The following PTPRH variants were observed in gnomAD, a reference collection of about 807,000 sequenced individuals.
PTPRH encodes the protein receptor-type tyrosine-protein phosphatase H.
A neutral mutation model predicts 130.2 loss-of-function variants in PTPRH; 113 were observed. The ratio of observed to expected loss-of-function variants is 0.87; its 90% CI spans 0.75 to 1.01. PTPRH has a LOEUF of 1.01. Among genes scored for constraint, PTPRH ranks in the 50% least tolerant of loss-of-function variants. The pLI is 0.00. For missense variants in PTPRH, 1,430 were observed against 1,425.0 expected (o/e 1.00, Z -0.06); for synonymous variants, 556 against 577.9 (o/e 0.96, Z 0.54).
rs149789995 is a variant in PTPRH, at chr19:55,205,345, C to A, written c.600G>T (p.Glu200Asp). Residue 200 changes from glutamate to aspartate, a missense_variant, in exon 4 of 20, where the codon GAG becomes GAT. Coordinates refer to ENST00000376350, the MANE Select transcript of PTPRH (RefSeq NM_002842.5). The part of the protein sequence containing the change: ...VGKNGINSSR[E>D]TRNATTAHNP... ...TCTCACCTGTGGTGGCATTTCGAGT[C>A]TCCCGGGAGCTGTTGATTCCATTCT... 5.8e-4 allele frequency: 936 copies of A among 1,614,176 alleles called. 1 individual carries two copies. Among genetic ancestry groups the A allele is most frequent in the Middle Eastern group, 2.8e-3 (17 of 6,062 alleles).
intron 14 of PTPRH, among the ~76,000 whole-genome samples, 167 bp downstream of exon 14, chr19:55,187,346 A>G (rs1017872909): frequency 8.0e-6 from 1 of 124,664 alleles, no homozygotes; most frequent in Non-Finnish European, 1.7e-5. Context: ...CTCCGTCTCA[A>G]AAAAAAAAAA....
intron 8 of PTPRH, among the ~76,000 whole-genome samples, chr19:55,198,071 G>T (rs2086741721): frequency 6.6e-6 from 1 of 152,110 alleles, no homozygotes; most frequent in Non-Finnish European, 1.5e-5. Flanking sequence ...TTTTAAATGA[G>T]CTGGGCATGG....
chr19:55,193,360 G>C (rs765761381), intron 10 of PTPRH, among the ~76,000 whole-genome samples: 27 of 135,630 alleles, frequency 2.0e-4, no homozygotes, highest in Non-Finnish European at 3.6e-4. Context: ...GAGCCTGGGA[G>C]GTGGAGGCTG....
intron 10 of PTPRH, among the ~76,000 whole-genome samples, chr19:55,193,261 A>T (rs944218707): frequency 6.6e-6 from 1 of 151,446 alleles, no homozygotes; most frequent in Admixed American, 6.6e-5. Flanking sequence ...AGCAAAACAA[A>T]ACAAAAAGAA....
In PTPRH at chr19:55,185,913, T is replaced by C. The variant is rs753654384; in HGVS notation, c.2850A>G (p.Val950=). The part of the protein sequence containing the change: ...CTHGHLRVTL[V]GEEVMENWTV... ...TCCAGTTCTCCATCACTTCCTCACC[T>C]ACCAGGGTTACCCGCAGGTGCCCAT... Residue 950 remains valine (V), a synonymous_variant, in exon 17 of 20, where the codon GTA becomes GTG. Coordinates refer to ENST00000376350, the MANE Select transcript of PTPRH (RefSeq NM_002842.5). The C allele has an allele frequency of 6.2e-7, 1 of 1,614,114 alleles. No homozygotes were observed. Among genetic ancestry groups the C allele is most frequent in the South Asian group, 1.1e-5 (1 of 91,086 alleles).
intron 6 of PTPRH, among the ~76,000 whole-genome samples, chr19:55,201,150 G>A (rs2086851280): frequency 6.6e-6 from 1 of 152,118 alleles, no homozygotes; most frequent in Non-Finnish European, 1.5e-5. Context: ...TGGGGCTGAG[G>A]TAGGGAGATT....
At chr19:55,206,358 C>T (rs2087054987) in intron 3 of PTPRH, among the ~76,000 whole-genome samples, 1 of 146,622 alleles carries the variant, frequency 6.8e-6, no homozygotes, top group Non-Finnish European at 1.5e-5. Flanking sequence ...GGGTTTCTCT[C>T]TGTTGCCCAG....
At chr19:55,190,091 C>T (rs2086479963) in intron 12 of PTPRH, among the ~76,000 whole-genome samples, 2 of 151,942 alleles carry the variant, frequency 1.3e-5, no homozygotes, top group African/African-American at 2.4e-5. Context: ...TCAAAATAGG[C>T]CAGGGGCTGT....
At chr19:55,206,017 G>T (rs188131560) in intron 3 of PTPRH, among the ~76,000 whole-genome samples, 1 of 152,156 alleles carries the variant, frequency 6.6e-6, no homozygotes, top group Non-Finnish European at 1.5e-5. Flanking sequence ...CGGATCACCT[G>T]AGGTCAGGAG....
At position 55,197,363 on chromosome 19, in the gene PTPRH, T is replaced by A; in HGVS notation, c.1744A>T (p.Met582Leu). Reference protein sequence around the residue: ...QNETQTKNSVMLWWKAPGDPH... With the variant: ...QNETQTKNSVLLWWKAPGDPH... ...TCTCCAGGGGCCTTCCACCACAGCA[T>A]GACTGAGTTCTTAGTCTGAGTTTCA... Residue 582 changes from methionine (M) to leucine (L), a missense_variant, in exon 9 of 20, where the codon ATG becomes TTG. Transcript: ENST00000376350. 6.2e-7 allele frequency: 1 copy of A among 1,614,190 alleles called. No individual in the cohort carries two copies. The highest frequency in any genetic ancestry group is 8.5e-7 in the Non-Finnish European group (1 of 1,179,988).
chr19:55,194,015 A>G (rs1301092034), intron 10 of PTPRH: 1 of 464,004 alleles, frequency 2.2e-6, no homozygotes, highest in Admixed American at 3.8e-5. Flanking sequence ...CGCCCAGCTA[A>G]TTTTTTGTAT....
At chr19:55,192,275 G>A (rs575194808) in intron 10 of PTPRH, among the ~76,000 whole-genome samples, 2 of 151,882 alleles carry the variant, frequency 1.3e-5, no homozygotes, top group East Asian at 2.0e-4. Flanking sequence ...GGTGGTGGGC[G>A]CCTGTAGTCC....
rs1325247298 is a variant in PTPRH at position 55,186,530 on chromosome 19, G to A, written c.2577C>T (p.Ser859=). ...RYRNVLPYDW[S]RVPLKPIHEE... ...CATGGATGGGCTTCAGGGGCACCCG[G>A]GACCAGTCATCTAGGAGAAGAGGCC... Residue 859 remains serine, a synonymous_variant, in exon 15 of 20, where the codon TCC becomes TCT. Transcript: ENST00000376350. 1 of 1,614,186 alleles carries A rather than the reference G, an allele frequency of 6.2e-7. No homozygotes were observed. Among genetic ancestry groups the A allele is most frequent in the East Asian group, 2.2e-5 (1 of 44,890 alleles).
At chr19:55,189,807 C>T (rs757727030) in intron 12 of PTPRH, 44 of 446,772 alleles carry the variant, frequency 9.8e-5, no homozygotes, top group Non-Finnish European at 2.2e-5. Flanking sequence ...CTGGTAAGAC[C>T]ACCCCCCCGA....
intron 7 of PTPRH, among the ~76,000 whole-genome samples, chr19:55,199,440 A>G (rs2086787736): frequency 6.6e-6 from 1 of 152,176 alleles, no homozygotes. Flanking sequence ...CCCTGTCTCT[A>G]CTAAAAATAC....
At chr19:55,191,132 G>A (rs184137526) in intron 12 of PTPRH, among the ~76,000 whole-genome samples, 8 of 152,292 alleles carry the variant, frequency 5.3e-5, no homozygotes, top group Admixed American at 2.6e-4. Context: ...ATGAGCCACC[G>A]CACCCAGCAA....
At chr19:55,184,022 C>G (rs151169819) in intron 18 of PTPRH, among the ~76,000 whole-genome samples, 1 of 152,096 alleles carries the variant, frequency 6.6e-6, no homozygotes, top group Non-Finnish European at 1.5e-5. Flanking sequence ...CAGTGGTTCA[C>G]GCCTGTAATC....
chr19:55,198,406 C>G (rs529948597), intron 8 of PTPRH, among the ~76,000 whole-genome samples: 1 of 152,130 alleles, frequency 6.6e-6, no homozygotes, highest in Non-Finnish European at 1.5e-5. Flanking sequence ...GAGGGCTCCC[C>G]CTGACCCCAA....
At position 55,203,878 on chromosome 19, in the gene PTPRH, C is replaced by T. The variant is rs375452076; in HGVS notation, c.790G>A (p.Val264Met). The T allele has an allele frequency of 2.3e-5, 37 of 1,614,204 alleles. No individual in the cohort carries two copies. The African/African-American group carries it at 2.5e-4, about 11-fold the overall frequency. ...TRNTTDTRVT[V>M]DGLGPGSLYT... is the part of the protein sequence containing the mutation. ...AATGACCCGGGTCCAAGGCCATCCA[C>T]GGTGACTCTGGTGTCTGTTGTGTTT... is the stretch of plus-strand genomic sequence containing the variant. The change falls in exon 5 of 20, where the codon GTG (valine) becomes ATG (methionine). Residue 264 changes from valine (V) to methionine (M), a missense_variant. Transcript: ENST00000376350.
Sources: gnomAD v4.1 joint callset for allele counts (sites outside exome capture counted in the v4.1 genomes callset) on GRCh38, gnomAD v4.1.1 for gene constraint, MANE v1.5 for transcripts, NCBI Gene and HGNC (gene_info 2026-07-23, HGNC 2026-07-21) for gene names.